The following ZNRF3 variants were observed in gnomAD, a reference collection of about 807,000 sequenced individuals.
ZNRF3 encodes E3 ubiquitin-protein ligase ZNRF3.
A neutral mutation model predicts 72.5 loss-of-function variants in ZNRF3; 23 were observed. The observed-to-expected ratio is 0.32, with a 90% confidence interval of 0.23 to 0.45. The LOEUF (loss-of-function observed/expected upper bound fraction) is 0.45. Ranked by LOEUF, ZNRF3 falls within the 20% of genes least tolerant of loss-of-function variation. The probability of loss-of-function intolerance (pLI) is 1.00; values close to 1 mark genes in which losing one functional copy is unlikely to be tolerated. For synonymous variants in ZNRF3, 610 were observed against 545.3 expected (o/e 1.12, Z -1.65); for missense variants, 1,169 against 1,272.1 (o/e 0.92, Z 1.23).
chr22:28,914,660 C>A (rs969763534), intron 1 of ZNRF3, among the ~76,000 whole-genome samples: 1 of 151,646 alleles, frequency 6.6e-6, no homozygotes, highest in African/African-American at 2.4e-5. Context: ...ACTAAAAATA[C>A]AAAATTAGCC....
At position 28,906,989 on chromosome 22, in the gene ZNRF3, T is replaced by C. The variant is rs555374618; in HGVS notation, c.300+22923T>C. Among the ~76,000 whole-genome samples the C allele has an allele frequency of 8.0e-5, 12 of 150,816 alleles. No homozygotes were observed. In the East Asian group the frequency reaches 1.2e-3, roughly 15 times the overall value. On this transcript the variant is annotated intron_variant, in intron 1 of 8. Transcript: ENST00000544604. ...TTTTCTTTTCTTTCTTTCTTTCTTTTTTTTTTTTTTTGAGATGGACTCTCG... is the reference window on the plus strand; with the variant it reads ...TTTTCTTTTCTTTCTTTCTTTCTTTCTTTTTTTTTTTGAGATGGACTCTCG...
At chr22:29,020,018 TCCC>T (rs976804051) in intron 2 of ZNRF3, among the ~76,000 whole-genome samples, 1 of 147,616 alleles carries the variant, frequency 6.8e-6, no homozygotes, top group African/African-American at 2.5e-5. Flanking sequence ...TCCCCCCCAA[TCCC>T]CCCATGGATA....
At chr22:28,962,686 G>T (rs1392713200) in intron 1 of ZNRF3, among the ~76,000 whole-genome samples, 6 of 152,216 alleles carry the variant, frequency 3.9e-5, no homozygotes, top group Admixed American at 3.9e-4. Context: ...TGTATTTGGG[G>T]AGGTATGCAG....
intron 2 of ZNRF3, among the ~76,000 whole-genome samples, chr22:29,023,596 T>C (rs1335162023): frequency 6.6e-6 from 1 of 152,148 alleles, no homozygotes; most frequent in African/African-American, 2.4e-5. Flanking sequence ...CGGTGGGCTA[T>C]ATTAGCTCCC....
chr22:28,884,127 G>GCCCGCCGAC, intron 1 of ZNRF3, 61 bp downstream of exon 1: 1 of 1,053,860 alleles, frequency 9.5e-7, no homozygotes, highest in South Asian at 4.2e-5. Context: ...CGGGGGCTGC[G>GCCCGCCGAC]CCCGCCGACC....
intron 2 of ZNRF3, among the ~76,000 whole-genome samples, chr22:29,009,453 CA>C (rs2036311566): frequency 6.6e-6 from 1 of 151,800 alleles, no homozygotes; most frequent in Admixed American, 6.6e-5. Context: ...AAAATAAATT[CA>C]AAAAAAGAGG....
intron 1 of ZNRF3, among the ~76,000 whole-genome samples, chr22:28,943,577 G>A (rs1458278846): frequency 1.3e-5 from 2 of 152,094 alleles, no homozygotes; most frequent in Admixed American, 1.3e-4. Flanking sequence ...AGTTCATAGG[G>A]TTGTCCTAGT....
intron 2 of ZNRF3, among the ~76,000 whole-genome samples, chr22:29,040,186 CT>C (rs955618996): frequency 1.5e-3 from 220 of 145,664 alleles, no homozygotes; most frequent in South Asian, 0.012. Context: ...CCCCCTCCCC[CT>C]TTTTTTTTTT....
rs1057002419 is a variant in ZNRF3 at position 29,056,743 on chromosome 22, G to A, written c.*3121G>A. ...AGAGTTCTAGAACCAGCTAAAAATG[G>A]AAGTTTGGGTGTTTACCAACAAGGT... On this transcript the variant is annotated 3_prime_UTR_variant, in exon 9 of 9. Coordinates refer to ENST00000544604, the MANE Select transcript of ZNRF3 (RefSeq NM_001206998.2). 3 of 152,212 alleles carry A rather than the reference G, an allele frequency of 2.0e-5. No individual in the cohort carries two copies. In the East Asian group the frequency reaches 5.8e-4, roughly 29 times the overall value. The allele number at this position is 152,212 out of a possible 1,614,324, so 9.4% of individuals were successfully genotyped here. A position where few individuals can be genotyped will look rare whatever the true frequency, so the allele number is the denominator to read the frequency against.
At chr22:28,959,694 G>A (rs1201503867) in intron 1 of ZNRF3, among the ~76,000 whole-genome samples, 2 of 152,176 alleles carry the variant, frequency 1.3e-5, no homozygotes, top group Non-Finnish European at 2.9e-5. Context: ...CTCCCACGGT[G>A]GTGGTATTTG....
rs139757975 is a variant in ZNRF3, at chr22:29,037,577, G to A, written c.427-4918G>A. 3.0e-3 allele frequency among the ~76,000 whole-genome samples: 450 copies of A among 152,248 alleles called. 1 individual carries two copies. Among genetic ancestry groups the A allele is most frequent in the Non-Finnish European group, 5.2e-3 (357 of 68,028 alleles). ...AGTGGTAAGTGCCAACCACAATAGG[G>A]CCCTGTCTTCTAGAGGCTGGAATTT... On this transcript the variant is annotated intron_variant, in intron 2 of 8. Coordinates refer to ENST00000544604, the MANE Select transcript of ZNRF3 (RefSeq NM_001206998.2).
In ZNRF3 at chr22:28,987,110, A is replaced by G; in HGVS notation, c.335A>G (p.Glu112Gly). Reference sequence around the variant, plus strand: ...CTGGGCCTATGTAATAACAATGACGAAGAGGACTTGTATGAATATGGCTGG... The same window carrying G: ...CTGGGCCTATGTAATAACAATGACGGAGAGGACTTGTATGAATATGGCTGG... ...HPLGLCNNND[E>G]EDLYEYGWVG... The change falls in exon 2 of 9, where the codon GAA (glutamate) becomes GGA (glycine). Residue 112 changes from glutamate (E) to glycine (G), a missense_variant. By Grantham distance (98) the Glu-to-Gly change is moderately conservative. This residue lies in a region of ZNRF3 where 386 missense variants were observed against 540.7 expected (regional missense o/e 0.71). Transcript: ENST00000544604. 1 of 1,613,838 alleles carries G rather than the reference A, an allele frequency of 6.2e-7. No individual in the cohort carries two copies. The highest frequency in any genetic ancestry group is 8.5e-7 in the Non-Finnish European group (1 of 1,179,894).
chr22:29,027,293 G>T (rs1024520202), intron 2 of ZNRF3, among the ~76,000 whole-genome samples: 1 of 151,954 alleles, frequency 6.6e-6, no homozygotes, highest in Non-Finnish European at 1.5e-5. Context: ...TTGTCCCCCA[G>T]GCTGGAGTGC....
At position 29,048,721 on chromosome 22, in the gene ZNRF3, G is replaced by A. The variant is rs548633950; in HGVS notation, c.1015+230G>A. Reference sequence around the variant, plus strand: ...TCACATTAAGCAGCTTCTTGACCTCGGGCAAGACATCTGGCCTCTCCTAGG... The same window carrying A: ...TCACATTAAGCAGCTTCTTGACCTCAGGCAAGACATCTGGCCTCTCCTAGG... On this transcript the variant is annotated intron_variant, in intron 7 of 8. Coordinates refer to ENST00000544604, the MANE Select transcript of ZNRF3 (RefSeq NM_001206998.2). The surrounding 1 kb of genome is among the most constrained non-coding windows in gnomAD (Gnocchi z 4.9). Among the ~76,000 whole-genome samples, 13 of 152,284 alleles carry A rather than the reference G, an allele frequency of 8.5e-5. No homozygotes were observed. The South Asian group carries it at 2.1e-3, about 24-fold the overall frequency.
At chr22:28,886,532 C>T (rs2033791053) in intron 1 of ZNRF3, among the ~76,000 whole-genome samples, 1 of 152,134 alleles carries the variant, frequency 6.6e-6, no homozygotes, top group Admixed American at 6.5e-5. Flanking sequence ...ACATTTTATC[C>T]ACAGTCTTCA....
At chr22:28,993,623 G>T (rs1409884141) in intron 2 of ZNRF3, among the ~76,000 whole-genome samples, 1 of 152,174 alleles carries the variant, frequency 6.6e-6, no homozygotes, top group Non-Finnish European at 1.5e-5. Context: ...ATTGGGAGAG[G>T]GGGAGCATGT....
intron 2 of ZNRF3, among the ~76,000 whole-genome samples, chr22:28,990,522 T>TA (rs1282422358): frequency 6.6e-6 from 1 of 151,992 alleles, no homozygotes; most frequent in African/African-American, 2.4e-5. Context: ...CCATCTCTAC[T>TA]AAAAATACAA....
At chr22:28,925,329 TTTCTC>T (rs903505610) in intron 1 of ZNRF3, among the ~76,000 whole-genome samples, 2 of 152,142 alleles carry the variant, frequency 1.3e-5, no homozygotes, top group Non-Finnish European at 2.9e-5. Context: ...TAAAACCAGA[TTTCTC>T]TTCTCTCCAC....
At chr22:28,937,936 T>A (rs1367783429) in intron 1 of ZNRF3, among the ~76,000 whole-genome samples, 2 of 152,252 alleles carry the variant, frequency 1.3e-5, no homozygotes, top group African/African-American at 4.8e-5. Flanking sequence ...AGAGGGCTCC[T>A]GTATACCCAG....
Sources: allele counts gnomAD v4.1 joint callset (sites outside exome capture counted in the v4.1 genomes callset), GRCh38; gene constraint gnomAD v4.1.1; regional missense constraint gnomAD v4.1.1; non-coding constraint Gnocchi (gnomAD v3.1); transcripts MANE v1.5; gene names NCBI Gene and HGNC (gene_info 2026-07-23, HGNC 2026-07-21).